The following PAWR variants were observed in gnomAD, a reference collection of about 807,000 sequenced individuals.
The protein encoded by PAWR is pro-apoptotic WT1 regulator.
A neutral mutation model predicts 32.0 loss-of-function variants in PAWR; 23 were observed. The observed-to-expected ratio is 0.72, with a 90% CI of 0.52 to 1.02. The LOEUF (loss-of-function observed/expected upper bound fraction) is 1.02, where lower values mean the gene tolerates loss of function less well. Ranked by LOEUF, PAWR falls within the 50% of genes least tolerant of loss-of-function variation. The pLI is 0.00. For missense variants in PAWR, 457 were observed against 437.7 expected, an observed-to-expected ratio of 1.04 and a Z score of -0.39; for synonymous variants, 226 against 187.1, an observed-to-expected ratio of 1.21 and a Z score of -1.70.
intron 2 of PAWR, among the ~76,000 whole-genome samples, chr12:79,671,333 G>A (rs1045754890): frequency 1.3e-5 from 2 of 152,116 alleles, no homozygotes; most frequent in African/African-American, 4.8e-5. Flanking sequence ...TTCACTAGGA[G>A]AATCATGTGG....
At chr12:79,632,649 G>A (rs934672200) in intron 2 of PAWR, among the ~76,000 whole-genome samples, 4 of 151,538 alleles carry the variant, frequency 2.6e-5, no homozygotes, top group African/African-American at 7.3e-5. Flanking sequence ...GATTATAGGC[G>A]TGCAGCATAC....
At chr12:79,656,190 T>C (rs1592535116) in intron 2 of PAWR, among the ~76,000 whole-genome samples, 1 of 152,344 alleles carries the variant, frequency 6.6e-6, no homozygotes, top group East Asian at 1.9e-4. Flanking sequence ...ACCTTAAATA[T>C]ATTTTGGACT....
At chr12:79,597,296 C>T (rs1264118728) in intron 4 of PAWR, among the ~76,000 whole-genome samples, 4 of 152,054 alleles carry the variant, frequency 2.6e-5, no homozygotes, top group Non-Finnish European at 4.4e-5. Flanking sequence ...AACTCTTGGG[C>T]TCAAGCGATC....
chr12:79,645,781 G>A (rs1441523497), intron 2 of PAWR, among the ~76,000 whole-genome samples: 1 of 152,130 alleles, frequency 6.6e-6, no homozygotes, highest in Non-Finnish European at 1.5e-5. Flanking sequence ...AGAGCTATTA[G>A]CTCCTAACTA....
At position 79,689,909 on chromosome 12, in the gene PAWR, G is replaced by A; in HGVS notation, c.336C>T (p.Pro112=). 2 of 1,469,576 alleles carry A rather than the reference G, an allele frequency of 1.4e-6. No individual in the cohort carries two copies. Among genetic ancestry groups the A allele is most frequent in the Non-Finnish European group, 9.0e-7 (1 of 1,113,084 alleles). The allele number at this position is 1,469,576 out of a possible 1,614,324, so 91.0% of individuals were successfully genotyped here. A position where few individuals can be genotyped will look rare whatever the true frequency, so the allele number is the denominator to read the frequency against. The change falls in exon 2 of 7, where the codon CCC becomes CCT. Residue 112 remains proline, a synonymous_variant. Transcript: ENST00000328827. ...APGPRRSEDE[P]PAASASAAPP... The stretch of plus-strand genomic sequence containing the variant: ...GTGCAGCCGAGGCAGAGGCGGCTGG[G>A]GGCTCGTCCTCCGACCGCCGCGGGC...
rs1269960377 is a variant in PAWR, at chr12:79,588,414, C to A, written c.*4193G>T. The A allele has an allele frequency of 2.0e-5, 3 of 152,026 alleles. No individual in the cohort carries two copies. The highest frequency in any genetic ancestry group is 7.2e-5 in the African/African-American group (3 of 41,534). 9.4% of individuals were successfully genotyped at this position (152,026 alleles called of 1,614,324 possible). On this transcript the variant is annotated 3_prime_UTR_variant, in exon 7 of 7. Coordinates refer to ENST00000328827, the MANE Select transcript of PAWR (RefSeq NM_002583.4). Reference sequence around the variant, plus strand: ...TTAAAAGTGTTCTTTTCCTAATTAACATTATCTTTAAAAAATGGTAGATAT... The same window carrying A: ...TTAAAAGTGTTCTTTTCCTAATTAAAATTATCTTTAAAAAATGGTAGATAT...
intron 2 of PAWR, among the ~76,000 whole-genome samples, chr12:79,675,584 G>A (rs1878124822): frequency 6.6e-6 from 1 of 152,108 alleles, no homozygotes; most frequent in African/African-American, 2.4e-5. Flanking sequence ...GTCCTTTGCA[G>A]CAATATAGAT....
At chr12:79,613,980 T>TATATATATATATATA (rs1874600875) in intron 3 of PAWR, among the ~76,000 whole-genome samples, 7 of 2,992 alleles carry the variant, frequency 2.3e-3, no homozygotes, top group Non-Finnish European at 5.4e-3. Context: ...TATATATATA[T>TATATATATATATATA]TTTTTTTTTT....
At chr12:79,658,500 C>T (rs1877198484) in intron 2 of PAWR, among the ~76,000 whole-genome samples, 1 of 152,060 alleles carries the variant, frequency 6.6e-6, no homozygotes, top group Non-Finnish European at 1.5e-5. Context: ...TGAATAAAAA[C>T]TTATGTTTAC....
intron 2 of PAWR, among the ~76,000 whole-genome samples, chr12:79,683,378 G>A (rs997566565): frequency 6.6e-6 from 1 of 152,124 alleles, no homozygotes; most frequent in Non-Finnish European, 1.5e-5. Flanking sequence ...CAGTAAACTA[G>A]TACAGGGTAT....
intron 2 of PAWR, among the ~76,000 whole-genome samples, chr12:79,647,216 T>C (rs1383571969): frequency 6.6e-6 from 1 of 151,394 alleles, no homozygotes; most frequent in Non-Finnish European, 1.5e-5. Context: ...GGCAGTAGTA[T>C]GTGAATGTCT....
rs1486874624 is a variant in PAWR at position 79,621,056 on chromosome 12, T to C, written c.648+20A>G. On this transcript the variant is annotated intron_variant, in intron 3 of 6. Transcript: ENST00000328827. The stretch of plus-strand genomic sequence containing the variant: ...GCCATTAAAATAGATAGTGACTTCC[T>C]GGTATTTTTAAATACTCACCTGTAG... 1.3e-6 allele frequency: 2 copies of C among 1,572,992 alleles called. No individual in the cohort carries two copies. The highest frequency in any genetic ancestry group is 1.4e-5 in the African/African-American group (1 of 73,016).
intron 2 of PAWR, among the ~76,000 whole-genome samples, chr12:79,671,434 T>C (rs1313157865): frequency 6.6e-6 from 1 of 152,236 alleles, no homozygotes; most frequent in African/African-American, 2.4e-5. Context: ...GTAGCTTCTC[T>C]AAATTCAAAT....
chr12:79,652,443 C>A (rs1876893749), intron 2 of PAWR, among the ~76,000 whole-genome samples: 1 of 152,086 alleles, frequency 6.6e-6, no homozygotes. Context: ...CGGATGTGAG[C>A]AGATTAAAGA....
chr12:79,639,881 T>TTCCCATTCCATTCCATTCCATTCC (rs1876215099), intron 2 of PAWR, among the ~76,000 whole-genome samples: 1 of 112,502 alleles, frequency 8.9e-6, no homozygotes, highest in African/African-American at 5.1e-5. Context: ...TTCCTATTCC[T>TTCCCATTCCATTCCATTCCATTCC]ATTCCATTCC....
chr12:79,596,793 T>C (rs1353586391), intron 4 of PAWR, 135 bp from the exon 5 acceptor site: 3 of 543,280 alleles, frequency 5.5e-6, no homozygotes, highest in African/African-American at 3.9e-5. Context: ...TTTGTAACTG[T>C]AGAAGTTAAT....
intron 2 of PAWR, among the ~76,000 whole-genome samples, chr12:79,623,590 T>C (rs1375667694): frequency 6.6e-6 from 1 of 151,732 alleles, no homozygotes; most frequent in Non-Finnish European, 1.5e-5. Flanking sequence ...GTAACAACCA[T>C]TAAAAAACTA....
At chr12:79,627,965 C>G (rs1875424489) in intron 2 of PAWR, among the ~76,000 whole-genome samples, 1 of 152,170 alleles carries the variant, frequency 6.6e-6, no homozygotes, top group Non-Finnish European at 1.5e-5. Context: ...ACCTAATAGA[C>G]ATCTACAGAA....
intron 2 of PAWR, among the ~76,000 whole-genome samples, chr12:79,680,649 C>T (rs911430587): frequency 6.6e-6 from 1 of 152,114 alleles, no homozygotes; most frequent in Non-Finnish European, 1.5e-5. Context: ...AGCATACATA[C>T]ATTTATAATT....
Sources: gnomAD v4.1 joint callset for allele counts (sites outside exome capture counted in the v4.1 genomes callset) on GRCh38, gnomAD v4.1.1 for gene constraint, MANE v1.5 for transcripts, NCBI Gene and HGNC (gene_info 2026-07-23, HGNC 2026-07-21) for gene names.